EPHA3: variants seen among roughly 807,000 people sequenced by gnomAD.
The protein encoded by EPHA3 is ephrin type-A receptor 3.
A neutral mutation model predicts 107.1 loss-of-function variants in EPHA3; 42 were observed. That is an observed-to-expected ratio of 0.39 (90% confidence interval 0.31 to 0.51). The LOEUF is 0.51. Ranked by LOEUF, EPHA3 falls within the 20% of genes least tolerant of loss-of-function variation. The pLI is 0.78. For missense variants in EPHA3, 1,183 were observed against 1,211.2 expected (o/e 0.98, Z 0.35); for synonymous variants, 461 against 424.8 (o/e 1.09, Z -1.05).
At position 89,347,426 on chromosome 3, in the gene EPHA3, G is replaced by C. The variant is rs1368678840; in HGVS notation, c.1306+5336G>C. Among the ~76,000 whole-genome samples, 7 of 149,716 alleles carry C rather than the reference G, an allele frequency of 4.7e-5. 1 individual carries two copies. Among genetic ancestry groups the C allele is most frequent in the Admixed American group, 2.7e-4 (4 of 14,932 alleles). On this transcript the variant is annotated intron_variant, in intron 5 of 16. Transcript: ENST00000336596. ...ATGATTTGGCTGTTTGTCTGTTGTT[G>C]GTGTATAAGAATGCTTGTGATTTTT...
At chr3:89,436,788 A>G (rs1392620630) in intron 13 of EPHA3, among the ~76,000 whole-genome samples, 1 of 152,190 alleles carries the variant, frequency 6.6e-6, no homozygotes, top group Non-Finnish European at 1.5e-5. Context: ...GGTGTATCAC[A>G]AGCTTTCCTT....
chr3:89,472,049 C>T (rs562848399), intron 15 of EPHA3, among the ~76,000 whole-genome samples: 45 of 152,232 alleles, frequency 3.0e-4, no homozygotes, highest in Middle Eastern at 3.4e-3. Context: ...AAACAAACAT[C>T]CAGTGGGAAA....
chr3:89,220,135 G>A (rs1032978516), intron 3 of EPHA3, among the ~76,000 whole-genome samples: 2 of 152,148 alleles, frequency 1.3e-5, no homozygotes, highest in Non-Finnish European at 2.9e-5. Flanking sequence ...GAGTTATGCA[G>A]ACCAACATAT....
intron 3 of EPHA3, among the ~76,000 whole-genome samples, chr3:89,297,394 A>T (rs1316186045): frequency 6.6e-6 from 1 of 152,128 alleles, no homozygotes; most frequent in Non-Finnish European, 1.5e-5. Flanking sequence ...GTCTCAGGGG[A>T]TAGGGAGGCC....
At chr3:89,169,833 T>G (rs1159934463) in intron 2 of EPHA3, among the ~76,000 whole-genome samples, 1 of 152,204 alleles carries the variant, frequency 6.6e-6, no homozygotes, top group Non-Finnish European at 1.5e-5. Context: ...GTTCATATTT[T>G]CTGATAGTAG....
chr3:89,476,051 A>G (rs1710498147), intron 16 of EPHA3, among the ~76,000 whole-genome samples: 2 of 150,098 alleles, frequency 1.3e-5, no homozygotes, highest in South Asian at 2.1e-4. Context: ...AAAGTCCAAT[A>G]TAATCATTTG....
intron 15 of EPHA3, among the ~76,000 whole-genome samples, chr3:89,469,344 T>G (rs1489025892): frequency 6.6e-6 from 1 of 152,160 alleles, no homozygotes; most frequent in Non-Finnish European, 1.5e-5. Context: ...GTTGCAATTT[T>G]TTTTTCCTGA....
intron 3 of EPHA3, among the ~76,000 whole-genome samples, chr3:89,287,612 A>G (rs1406561142): frequency 1.3e-5 from 2 of 152,114 alleles, no homozygotes; most frequent in African/African-American, 4.8e-5. Context: ...TAAACCTCCC[A>G]CCAAAATACC....
At chr3:89,260,032 G>A in intron 3 of EPHA3, among the ~76,000 whole-genome samples, 1 of 152,168 alleles carries the variant, frequency 6.6e-6, no homozygotes, top group East Asian at 1.9e-4. Flanking sequence ...TCCTGCCTCT[G>A]GATGTGTGTG....
At chr3:89,197,567 C>G (rs6551403) in intron 2 of EPHA3, among the ~76,000 whole-genome samples, 1 of 151,692 alleles carries the variant, frequency 6.6e-6, no homozygotes, top group Non-Finnish European at 1.5e-5. Context: ...AGTCAAGTGT[C>G]TAATAAAATT....
intron 3 of EPHA3, among the ~76,000 whole-genome samples, chr3:89,226,977 CA>C (rs1218124647): frequency 2.6e-5 from 4 of 151,906 alleles, no homozygotes; most frequent in Non-Finnish European, 5.9e-5. Context: ...GGTAGGAAAT[CA>C]GAAGACATTT....
chr3:89,315,626 A>C (rs1706878721), intron 3 of EPHA3, among the ~76,000 whole-genome samples: 2 of 151,774 alleles, frequency 1.3e-5, no homozygotes, highest in African/African-American at 2.4e-5. Flanking sequence ...ATAAAAAAAA[A>C]AAAAAAGCAA....
chr3:89,208,620 AGG>A (rs879609848), intron 2 of EPHA3, among the ~76,000 whole-genome samples: 1,610 of 150,982 alleles, frequency 0.011, 23 homozygotes, highest in Non-Finnish European at 0.017. Context: ...GAAGGAAGGA[AGG>A]AAGGGAAGAT....
At chr3:89,215,684 C>T in intron 3 of EPHA3, among the ~76,000 whole-genome samples, 1 of 151,778 alleles carries the variant, frequency 6.6e-6, no homozygotes, top group East Asian at 1.9e-4. Context: ...ACAAGAAGTT[C>T]CATAAATGTT....
intron 3 of EPHA3, among the ~76,000 whole-genome samples, chr3:89,223,502 T>C (rs953098984): frequency 2.6e-5 from 4 of 152,312 alleles, no homozygotes; most frequent in African/African-American, 7.2e-5. Flanking sequence ...AAACTCCAGA[T>C]GAGGGTCATG....
chr3:89,287,260 G>C (rs1456382617), intron 3 of EPHA3, among the ~76,000 whole-genome samples: 1 of 152,118 alleles, frequency 6.6e-6, no homozygotes, highest in Non-Finnish European at 1.5e-5. Flanking sequence ...TCATTATCCT[G>C]ATTTTACGGA....
intron 6 of EPHA3, among the ~76,000 whole-genome samples, chr3:89,397,036 T>A (rs1353024289): frequency 6.6e-6 from 1 of 152,202 alleles, no homozygotes; most frequent in Non-Finnish European, 1.5e-5. Context: ...TTCTACATGA[T>A]AATAGATCCT....
chr3:89,379,815 T>A (rs1708466182), intron 5 of EPHA3, among the ~76,000 whole-genome samples: 1 of 152,160 alleles, frequency 6.6e-6, no homozygotes, highest in Non-Finnish European at 1.5e-5. Flanking sequence ...GCCAAATGAG[T>A]ATTTTTATGT....
intron 2 of EPHA3, among the ~76,000 whole-genome samples, chr3:89,209,191 G>A (rs1394996497): frequency 6.6e-6 from 1 of 152,164 alleles, no homozygotes. Flanking sequence ...AAGATCCAAT[G>A]TGGGTGCAAA....
Sources: allele counts gnomAD v4.1 joint callset (sites outside exome capture counted in the v4.1 genomes callset), GRCh38; gene constraint gnomAD v4.1.1; transcripts MANE v1.5; gene names NCBI Gene and HGNC (gene_info 2026-07-23, HGNC 2026-07-21).